GALNTL6: variants seen among roughly 807,000 people sequenced by gnomAD.
GALNTL6 encodes the protein polypeptide N-acetylgalactosaminyltransferase-like 6.
Under a neutral mutation model 73.7 loss-of-function variants are expected in GALNTL6, and 46 were observed. The observed-to-expected ratio is 0.62, with a 90% CI of 0.49 to 0.80. GALNTL6 has a LOEUF of 0.80. GALNTL6 is among the 30% of genes least tolerant of loss of function. The pLI is 0.00. For missense variants in GALNTL6, 604 were observed against 755.0 expected (o/e 0.80, Z 2.34); for synonymous variants, 259 against 263.7 (o/e 0.98, Z 0.17).
intron 5 of GALNTL6, among the ~76,000 whole-genome samples, chr4:172,703,483 A>G (rs1265938535): frequency 6.6e-6 from 1 of 151,936 alleles, no homozygotes; most frequent in Non-Finnish European, 1.5e-5. Flanking sequence ...TTGTTGATGT[A>G]GTGTATCATA....
chr4:172,221,768 T>C (rs1255893981), intron 2 of GALNTL6, among the ~76,000 whole-genome samples: 1 of 151,802 alleles, frequency 6.6e-6, no homozygotes, highest in Non-Finnish European at 1.5e-5. Context: ...AAAATTATAG[T>C]AATTTTGAGG....
chr4:172,304,563 G>A (rs1740057379), intron 3 of GALNTL6, among the ~76,000 whole-genome samples: 1 of 152,136 alleles, frequency 6.6e-6, no homozygotes, highest in African/African-American at 2.4e-5. Flanking sequence ...TGTTTCAGCT[G>A]CTTATTGCTC....
At chr4:172,980,474 G>A (rs776686126) in intron 10 of GALNTL6, among the ~76,000 whole-genome samples, 6 of 152,060 alleles carry the variant, frequency 3.9e-5, no homozygotes, top group Non-Finnish European at 8.8e-5. Context: ...TAGGTGGCTC[G>A]TAAACAACAT....
chr4:172,891,764 G>T (rs1394933540), intron 8 of GALNTL6, among the ~76,000 whole-genome samples: 1 of 151,810 alleles, frequency 6.6e-6, no homozygotes, highest in Non-Finnish European at 1.5e-5. Context: ...CTTCTCTCTC[G>T]GGAATACCAA....
chr4:172,539,935 C>T (rs1249099659), intron 5 of GALNTL6, among the ~76,000 whole-genome samples: 2 of 143,536 alleles, frequency 1.4e-5, no homozygotes, highest in East Asian at 2.0e-4. Context: ...TTCATGATGT[C>T]CTTATAAGCT....
intron 5 of GALNTL6, among the ~76,000 whole-genome samples, chr4:172,379,227 A>G (rs114514520): frequency 0.021 from 3,126 of 152,302 alleles, 101 homozygotes; most frequent in African/African-American, 0.07. Context: ...TGGCTAGGGA[A>G]CATATTCTAA....
intron 3 of GALNTL6, among the ~76,000 whole-genome samples, chr4:172,253,947 A>C (rs1053426214): frequency 2.0e-5 from 3 of 151,764 alleles, no homozygotes; most frequent in Non-Finnish European, 4.4e-5. Context: ...TGTTTAATGA[A>C]CTCAGGAGTA....
chr4:172,394,786 C>T (rs1372612636), intron 5 of GALNTL6, among the ~76,000 whole-genome samples: 1 of 152,104 alleles, frequency 6.6e-6, no homozygotes, highest in South Asian at 2.1e-4. Flanking sequence ...TTTCTTCTAG[C>T]ATGCTGACAC....
chr4:172,585,491 G>A (rs1737374077), intron 5 of GALNTL6, among the ~76,000 whole-genome samples: 1 of 152,130 alleles, frequency 6.6e-6, no homozygotes, highest in Admixed American at 6.6e-5. Flanking sequence ...CCTCTTATGA[G>A]TGAGAACATG....
At chr4:172,317,717 G>GAGTTTAACCGTC (rs1740612028) in intron 4 of GALNTL6, among the ~76,000 whole-genome samples, 1 of 152,002 alleles carries the variant, frequency 6.6e-6, no homozygotes, top group Admixed American at 6.6e-5. Context: ...GAACTCATTG[G>GAGTTTAACCGTC]CAAACATATT....
At chr4:172,134,570 G>A (rs181624583) in intron 2 of GALNTL6, among the ~76,000 whole-genome samples, 3 of 152,226 alleles carry the variant, frequency 2.0e-5, no homozygotes, top group Admixed American at 2.0e-4. Flanking sequence ...TGATTGGAAG[G>A]GAGACTGGAG....
chr4:171,986,442 T>C (rs1316210975), intron 2 of GALNTL6, among the ~76,000 whole-genome samples: 3 of 152,116 alleles, frequency 2.0e-5, no homozygotes, highest in Non-Finnish European at 4.4e-5. Flanking sequence ...TATGATGGCT[T>C]AGCTTGGGCT....
At chr4:172,492,582 T>C (rs868417627) in intron 5 of GALNTL6, among the ~76,000 whole-genome samples, 5 of 152,272 alleles carry the variant, frequency 3.3e-5, no homozygotes, top group Middle Eastern at 3.4e-3. Flanking sequence ...ATCTAACACA[T>C]GCTCGCAGTA....
chr4:171,928,001 T>C (rs10005702), intron 2 of GALNTL6, among the ~76,000 whole-genome samples: 87,283 of 152,012 alleles, frequency 0.57, 27,550 homozygotes, highest in African/African-American at 0.84. Flanking sequence ...AGTTCATGAT[T>C]GTATTCCCAG....
At chr4:172,036,031 G>A (rs1388708226) in intron 2 of GALNTL6, among the ~76,000 whole-genome samples, 1 of 152,014 alleles carries the variant, frequency 6.6e-6, no homozygotes, top group Non-Finnish European at 1.5e-5. Context: ...AGAAAATTTT[G>A]TTAACCCCAG....
At chr4:171,894,141 T>C (rs1736842197) in intron 2 of GALNTL6, among the ~76,000 whole-genome samples, 1 of 152,208 alleles carries the variant, frequency 6.6e-6, no homozygotes, top group Non-Finnish European at 1.5e-5. Flanking sequence ...CTAAGAATTG[T>C]TCATGTATAA....
chr4:172,387,602 T>G (rs182731657), intron 5 of GALNTL6, among the ~76,000 whole-genome samples: 94 of 152,260 alleles, frequency 6.2e-4, no homozygotes, highest in African/African-American at 2.1e-3. Context: ...TTGTATATGA[T>G]GTGTCTAAAT....
At chr4:172,584,977 A>T (rs1737344114) in intron 5 of GALNTL6, among the ~76,000 whole-genome samples, 1 of 152,200 alleles carries the variant, frequency 6.6e-6, no homozygotes, top group Non-Finnish European at 1.5e-5. Flanking sequence ...GTACTGAATT[A>T]AAAAGGAGGC....
At chr4:172,615,377 C>T (rs1169561337) in intron 5 of GALNTL6, among the ~76,000 whole-genome samples, 1 of 152,014 alleles carries the variant, frequency 6.6e-6, no homozygotes, top group African/African-American at 2.4e-5. Context: ...TATAATAGCT[C>T]TCCTCTCAAT....
Sources: allele counts gnomAD v4.1 joint callset (sites outside exome capture counted in the v4.1 genomes callset), GRCh38; gene constraint gnomAD v4.1.1; transcripts MANE v1.5; gene names NCBI Gene and HGNC (gene_info 2026-07-23, HGNC 2026-07-21).